Variants in REV1 observed in about 807,000 individuals in gnomAD.
REV1 encodes the protein REV1 DNA directed polymerase, also known as translesion synthesis protein REV1.
In REV1, 42 loss-of-function variants were observed where a neutral mutation model predicts 137.4. That is an observed-to-expected ratio of 0.31 (90% CI 0.24 to 0.40). The LOEUF (loss-of-function observed/expected upper bound fraction) is 0.40. Ranked by LOEUF, REV1 falls within the 10% of genes least tolerant of loss-of-function variation. The pLI is 1.00. For synonymous variants in REV1, 524 were observed against 519.2 expected, an observed-to-expected ratio of 1.01 and a Z score of -0.12; for missense variants, 1,282 against 1,490.1, an observed-to-expected ratio of 0.86 and a Z score of 2.30.
chr2:99,476,809 G>A (rs977524108), intron 1 of REV1, among the ~76,000 whole-genome samples: 5 of 152,174 alleles, frequency 3.3e-5, no homozygotes, highest in Admixed American at 1.3e-4. Flanking sequence ...CAATCTCCAT[G>A]AGTAGTGTCA....
At chr2:99,481,476 C>T (rs1187369482) in intron 1 of REV1, among the ~76,000 whole-genome samples, 1 of 152,200 alleles carries the variant, frequency 6.6e-6, no homozygotes, top group Non-Finnish European at 1.5e-5. Context: ...TTTAATACAA[C>T]AGAGGTAACT....
chr2:99,456,558 T>G (rs1297361003), intron 3 of REV1, among the ~76,000 whole-genome samples: 1 of 152,212 alleles, frequency 6.6e-6, no homozygotes, highest in African/African-American at 2.4e-5. Flanking sequence ...TTTAAGGCCC[T>G]GAGGTGTTAT....
chr2:99,408,880 A>T (rs1356063623), intron 14 of REV1, among the ~76,000 whole-genome samples: 1 of 152,256 alleles, frequency 6.6e-6, no homozygotes, highest in African/African-American at 2.4e-5. Context: ...TGAACAAATG[A>T]AGTTCCAGGC....
At chr2:99,468,789 T>G (rs891957801) in intron 1 of REV1, among the ~76,000 whole-genome samples, 5 of 152,192 alleles carry the variant, frequency 3.3e-5, no homozygotes, top group African/African-American at 1.2e-4. Context: ...ACCCTTACCC[T>G]TAACATTTAG....
intron 12 of REV1, among the ~76,000 whole-genome samples, chr2:99,416,693 G>C (rs1006766582): frequency 1.3e-5 from 2 of 152,012 alleles, no homozygotes; most frequent in Non-Finnish European, 2.9e-5. Context: ...TTGGGAGGCC[G>C]AGGCGGGCGG....
intron 6 of REV1, among the ~76,000 whole-genome samples, chr2:99,436,190 A>G (rs1680724732): frequency 6.6e-6 from 1 of 152,200 alleles, no homozygotes; most frequent in Non-Finnish European, 1.5e-5. Flanking sequence ...AAAAATACAA[A>G]GGTGTTGGCA....
chr2:99,411,810 C>T (rs1378234857), intron 13 of REV1, among the ~76,000 whole-genome samples: 7 of 152,068 alleles, frequency 4.6e-5, no homozygotes, highest in Admixed American at 4.6e-4. Flanking sequence ...ACTGTGCTTA[C>T]AGCCCAAACA....
At chr2:99,468,354 C>T (rs1389137223) in intron 1 of REV1, among the ~76,000 whole-genome samples, 3 of 152,092 alleles carry the variant, frequency 2.0e-5, no homozygotes, top group African/African-American at 7.2e-5. Context: ...TTCCCTAGAA[C>T]GGAGGAGGGC....
At chr2:99,405,040 T>TG (rs140102021) in intron 17 of REV1, among the ~76,000 whole-genome samples, 38 of 152,324 alleles carry the variant, frequency 2.5e-4, no homozygotes, top group African/African-American at 9.1e-4. Context: ...GGTGAAGGCC[T>TG]GAGGCACATG....
intron 1 of REV1, among the ~76,000 whole-genome samples, chr2:99,476,302 A>AG (rs1685967771): frequency 1.3e-5 from 2 of 152,144 alleles, no homozygotes; most frequent in African/African-American, 4.8e-5. Flanking sequence ...TCACGCCTGT[A>AG]ATCCCAACAC....
intron 9 of REV1, among the ~76,000 whole-genome samples, chr2:99,426,347 CAAA>C (rs201251300): frequency 1.8e-5 from 2 of 110,186 alleles, no homozygotes; most frequent in Non-Finnish European, 1.9e-5. Flanking sequence ...AATTCTATCT[CAAA>C]AAAAAAAAAA....
intron 6 of REV1, 56 bp from the exon 7 acceptor site, chr2:99,435,997 T>C: frequency 1.0e-6 from 1 of 961,818 alleles, no homozygotes; most frequent in Admixed American, 1.9e-5. Flanking sequence ...ATTTAAAACA[T>C]CAGGTCTAGT....
chr2:99,471,904 A>C (rs192832342), intron 1 of REV1, among the ~76,000 whole-genome samples: 96 of 151,664 alleles, frequency 6.3e-4, no homozygotes, highest in Middle Eastern at 3.4e-3. Flanking sequence ...AAAAAAAAAA[A>C]AAAAAAACAA....
rs755184253 is a variant in REV1, at chr2:99,416,912, C to CAAA, written c.1951+1913_1951+1915dup. Among the ~76,000 whole-genome samples, 192 of 77,746 alleles carry CAAA rather than the reference C, an allele frequency of 2.5e-3. 2 individuals are homozygous for CAAA. The highest frequency in any genetic ancestry group is 5.5e-3 in the African/African-American group (91 of 16,582). The allele number at this position is 77,746 out of a possible 152,430, so 51.0% of individuals were successfully genotyped here. A position where few individuals can be genotyped will look rare whatever the true frequency, so the allele number is the denominator to read the frequency against. ...TGGGCAACAGAGCAAGACTCCATCT[C>CAAA]AAAAAAAAAAAAAAAAAAAAAGAAA... On this transcript the variant is annotated intron_variant, in intron 12 of 22. Transcript: ENST00000258428.
chr2:99,481,569 T>C (rs1423860105), intron 1 of REV1, among the ~76,000 whole-genome samples: 1 of 152,138 alleles, frequency 6.6e-6, no homozygotes, highest in Non-Finnish European at 1.5e-5. Context: ...CATTGTGTAA[T>C]AAAGAATTTG....
chr2:99,436,992 T>G (rs905927113), intron 6 of REV1, among the ~76,000 whole-genome samples: 3 of 146,970 alleles, frequency 2.0e-5, no homozygotes, highest in South Asian at 2.1e-4. Context: ...TTTTTTTTGT[T>G]TTTTTTTTTT....
At chr2:99,444,135 T>C (rs1681879883) in intron 4 of REV1, among the ~76,000 whole-genome samples, 1 of 152,224 alleles carries the variant, frequency 6.6e-6, no homozygotes, top group Non-Finnish European at 1.5e-5. Context: ...CTTCCTTTAA[T>C]AGTTGGTCTC....
At chr2:99,423,600 C>G (rs1211130156) in intron 10 of REV1, among the ~76,000 whole-genome samples, 1 of 152,130 alleles carries the variant, frequency 6.6e-6, no homozygotes, top group Non-Finnish European at 1.5e-5. Context: ...TTTTTAAATA[C>G]ATCTACAATT....
In REV1 at chr2:99,423,650, CTCA is replaced by C. The variant is rs1029352362; in HGVS notation, c.1676+499_1676+501del. On this transcript the variant is annotated intron_variant, in intron 10 of 22. Transcript: ENST00000258428. ...AATTAATCACCTTTTCTCAAGCCAA[CTCA>C]TCAACCATTTTGAAACTATTATTAA... 3.8e-4 allele frequency among the ~76,000 whole-genome samples: 58 copies of C among 152,274 alleles called. 1 individual carries two copies. Among genetic ancestry groups the C allele is most frequent in the African/African-American group, 1.3e-3 (56 of 41,550 alleles).
Sources: allele counts gnomAD v4.1 joint callset (sites outside exome capture counted in the v4.1 genomes callset), GRCh38; gene constraint gnomAD v4.1.1; transcripts MANE v1.5; gene names NCBI Gene and HGNC (gene_info 2026-07-23, HGNC 2026-07-21).